SOX5: variants seen among roughly 807,000 people sequenced by gnomAD.
The protein encoded by SOX5 is transcription factor SOX-5.
A neutral mutation model predicts 92.0 loss-of-function variants in SOX5; 9 were observed. That is an observed-to-expected ratio of 0.10 (90% CI 0.06 to 0.17). SOX5 has a LOEUF of 0.17. Ranked by LOEUF, SOX5 falls within the 10% of genes least tolerant of loss-of-function variation. SOX5 has a pLI of 1.00. For synonymous variants in SOX5, 344 were observed against 336.3 expected (o/e 1.02, Z -0.25); for missense variants, 642 against 944.5 (o/e 0.68, Z 4.20).
chr12:24,166,960 G>C (rs919080978), intron 4 of SOX5, among the ~76,000 whole-genome samples: 4 of 152,198 alleles, frequency 2.6e-5, no homozygotes, highest in Non-Finnish European at 5.9e-5. Flanking sequence ...AGGAGAAAAG[G>C]AGTGAGATGG....
chr12:24,271,287 T>C (rs1049951725), intron 3 of SOX5, among the ~76,000 whole-genome samples: 1 of 152,248 alleles, frequency 6.6e-6, no homozygotes, highest in African/African-American at 2.4e-5. Flanking sequence ...GATTTTTTCA[T>C]GTCTTGGACA....
intron 4 of SOX5, among the ~76,000 whole-genome samples, chr12:24,059,309 T>C (rs1405886039): frequency 6.6e-6 from 1 of 152,064 alleles, no homozygotes; most frequent in Non-Finnish European, 1.5e-5. Context: ...GAAAAGGAAA[T>C]AGGCTAGATT....
chr12:23,862,454 A>C (rs1405119895), intron 2 of SOX5, among the ~76,000 whole-genome samples: 1 of 152,190 alleles, frequency 6.6e-6, no homozygotes, highest in African/African-American at 2.4e-5. Context: ...CGGAAAGCAA[A>C]GACTACTTAA....
At chr12:23,936,372 T>G (rs1439702559) in intron 1 of SOX5, among the ~76,000 whole-genome samples, 1 of 151,012 alleles carries the variant, frequency 6.6e-6, no homozygotes, top group African/African-American at 2.4e-5. Context: ...AAATAATTCT[T>G]AAGCAAACAT....
At position 23,700,603 on chromosome 12, in the gene SOX5, T is replaced by C. The variant is rs2090491432; in HGVS notation, c.810+34081A>G. On this transcript the variant is annotated intron_variant, in intron 6 of 14. Coordinates refer to ENST00000451604, the MANE Select transcript of SOX5 (RefSeq NM_006940.6). The stretch of plus-strand genomic sequence containing the variant: ...TCCTGGTCGTGACTCTCAAAAACTC[T>C]TTCCCTTGAATGGTGGCCACTACAA... Among the ~76,000 whole-genome samples the C allele has an allele frequency of 2.0e-5, 3 of 152,104 alleles. No individual in the cohort carries two copies. The South Asian group carries it at 6.2e-4, about 32-fold the overall frequency.
chr12:24,394,787 G>A lies in SOX5; in HGVS notation c.-250-26148C>T, dbSNP rs535500397. On this transcript the variant is annotated intron_variant, in intron 1 of 4. Coordinates refer to the SOX5 transcript ENST00000446891. The stretch of plus-strand genomic sequence containing the variant: ...ACTACCCTTAAGTTAAAATGAAGAT[G>A]AAAACAAGACCAAAGGGCATCATTT... 1.8e-4 allele frequency among the ~76,000 whole-genome samples: 28 copies of A among 152,282 alleles called. 1 individual carries two copies. The South Asian group carries it at 5.8e-3, about 32-fold the overall frequency.
chr12:23,628,971 A>G (rs943504350), intron 8 of SOX5, among the ~76,000 whole-genome samples: 1 of 151,988 alleles, frequency 6.6e-6, no homozygotes, highest in East Asian at 1.9e-4. Context: ...CTGCATGATT[A>G]TATAATCATT....
intron 4 of SOX5, 82 bp downstream of exon 4, chr12:23,755,556 G>T: frequency 9.8e-7 from 1 of 1,019,432 alleles, no homozygotes; most frequent in Non-Finnish European, 1.5e-6. Context: ...GGTGAGGGCA[G>T]AAATACTTTA....
At chr12:24,211,458 G>GA (rs1328982510) in intron 4 of SOX5, among the ~76,000 whole-genome samples, 1 of 152,136 alleles carries the variant, frequency 6.6e-6, no homozygotes, top group Non-Finnish European at 1.5e-5. Flanking sequence ...TAGCTAAACA[G>GA]AAAACTTCTC....
intron 6 of SOX5, among the ~76,000 whole-genome samples, chr12:23,672,876 C>T (rs1566886645): frequency 6.6e-6 from 1 of 152,028 alleles, no homozygotes; most frequent in African/African-American, 2.4e-5. Context: ...CTTAAAAATT[C>T]TTGTTGTTTT....
intron 6 of SOX5, among the ~76,000 whole-genome samples, chr12:23,699,401 T>A (rs1301258908): frequency 6.6e-6 from 1 of 152,190 alleles, no homozygotes; most frequent in Admixed American, 6.5e-5. Context: ...TCTAACCTAG[T>A]TGGAAGAAGA....
chr12:24,496,105 C>T (rs1947608268), intron 1 of SOX5, among the ~76,000 whole-genome samples: 1 of 152,202 alleles, frequency 6.6e-6, no homozygotes, highest in African/African-American at 2.4e-5. Flanking sequence ...ACAGTAGTCT[C>T]TATACTCCCC....
chr12:24,118,239 A>G (rs180865402), intron 4 of SOX5, among the ~76,000 whole-genome samples: 78 of 152,260 alleles, frequency 5.1e-4, no homozygotes, highest in Admixed American at 1.5e-3. Flanking sequence ...TTGCTAAAAG[A>G]ATAGATCATT....
At chr12:24,455,549 T>C (rs908186446) in intron 1 of SOX5, among the ~76,000 whole-genome samples, 3 of 152,218 alleles carry the variant, frequency 2.0e-5, no homozygotes, top group Admixed American at 2.0e-4. Flanking sequence ...AGTATGTTGA[T>C]TAATTTCACT....
chr12:24,049,775 G>C (rs1957386737), intron 4 of SOX5, among the ~76,000 whole-genome samples: 1 of 148,378 alleles, frequency 6.7e-6, no homozygotes, highest in East Asian at 2.0e-4. Context: ...ATAATCTTTA[G>C]ATGTTTATAC....
intron 3 of SOX5, among the ~76,000 whole-genome samples, chr12:23,788,369 G>A (rs2095416902): frequency 6.6e-6 from 1 of 151,850 alleles, no homozygotes. Flanking sequence ...ACAGAAACAA[G>A]CTTTCTTAAC....
intron 1 of SOX5, among the ~76,000 whole-genome samples, chr12:24,368,962 C>T (rs1317311916): frequency 1.3e-5 from 2 of 152,180 alleles, no homozygotes; most frequent in African/African-American, 2.4e-5. Context: ...GAGGTCCAAA[C>T]CCTGGTTCCA....
At chr12:24,493,318 G>A (rs1394437662) in intron 1 of SOX5, among the ~76,000 whole-genome samples, 1 of 152,084 alleles carries the variant, frequency 6.6e-6, no homozygotes, top group Admixed American at 6.6e-5. Flanking sequence ...AGAAACCTAG[G>A]AGATATGATA....
rs745698607 is a variant in SOX5 at position 23,536,590 on chromosome 12, C to T, written c.1851G>A (p.Leu617=). 1.9e-6 allele frequency: 3 copies of T among 1,614,146 alleles called. No homozygotes were observed. Among genetic ancestry groups the T allele is most frequent in the South Asian group, 2.2e-5 (2 of 91,086 alleles). Residue 617 remains leucine (L), a synonymous_variant, in exon 14 of 15, where the codon CTG becomes CTA. Transcript: ENST00000451604. ...TGTACTTATAGTCAGGGTACTTCTC[C>T]AGGTGCTGCTTGCTGAGACGGGCTT... is the stretch of plus-strand genomic sequence containing the variant. The part of the protein sequence containing the change: ...EEQARLSKQH[L]EKYPDYKYKP...
Sources: allele counts gnomAD v4.1 joint callset (sites outside exome capture counted in the v4.1 genomes callset), GRCh38; gene constraint gnomAD v4.1.1; transcripts MANE v1.5; gene names NCBI Gene and HGNC (gene_info 2026-07-23, HGNC 2026-07-21).